CDC23: variants seen among roughly 807,000 people sequenced by gnomAD.
CDC23 encodes cell division cycle 23, also known as cell division cycle protein 23 homolog.
A neutral mutation model predicts 81.7 loss-of-function variants in CDC23; 26 were observed. That is an observed-to-expected ratio of 0.32 (90% CI 0.23 to 0.44). The LOEUF (loss-of-function observed/expected upper bound fraction) is 0.44, where lower values mean the gene tolerates loss of function less well. Among genes scored for constraint, CDC23 ranks in the 20% least tolerant of loss-of-function variants. The probability of loss-of-function intolerance (pLI) is 1.00; values close to 1 mark genes in which losing one functional copy is unlikely to be tolerated. For synonymous variants in CDC23, 267 were observed against 270.8 expected, an observed-to-expected ratio of 0.99 and a Z score of 0.14; for missense variants, 519 against 728.0, an observed-to-expected ratio of 0.71 and a Z score of 3.30.
In CDC23 at chr5:138,189,824, A is replaced by G. The variant is rs762284617; in HGVS notation, c.1503+4T>C. 19 of 1,613,972 alleles carry G rather than the reference A, an allele frequency of 1.2e-5. No homozygotes were observed. The highest frequency in any genetic ancestry group is 4.0e-5 in the African/African-American group (3 of 74,944). On this transcript the variant is annotated splice_donor_region_variant and intron_variant, in intron 14 of 15. Coordinates refer to ENST00000394886, the MANE Select transcript of CDC23 (RefSeq NM_004661.4). Reference sequence around the variant, plus strand: ...CAGTACAATTCTCATGGTATGATACATACCCCACAGGAATAGATATCTTGG... The same window carrying G: ...CAGTACAATTCTCATGGTATGATACGTACCCCACAGGAATAGATATCTTGG...
At chr5:138,202,265 G>A (rs1170118575) in intron 3 of CDC23, 110 bp from the exon 4 acceptor site, 3 of 706,736 alleles carry the variant, frequency 4.2e-6, no homozygotes, top group Non-Finnish European at 4.8e-6. Context: ...AAATGGCATC[G>A]ACTTTTGGTC....
rs371029652 is a variant in CDC23, at chr5:138,206,676, G to A, written c.243C>T (p.Ala81=). 1.4e-5 allele frequency: 22 copies of A among 1,607,096 alleles called. No individual in the cohort carries two copies. Among genetic ancestry groups the A allele is most frequent in the East Asian group, 4.5e-5 (2 of 44,694 alleles). The part of the protein sequence containing the change: ...QPPPPITEED[A]QDMDAYTLAK... ...CCAGGGTATAGGCATCCATATCCTG[G>A]GCATCTTCCTAAAAAAGAAACAAGC... Residue 81 remains alanine, a synonymous_variant, in exon 3 of 16, where the codon GCC becomes GCT. Coordinates refer to ENST00000394886, the MANE Select transcript of CDC23 (RefSeq NM_004661.4).
chr5:138,197,450 G>A lies in CDC23; in HGVS notation c.1012+749C>T, dbSNP rs144400011. ...AGATAGCACTATGTATAATGATACA[G>A]TTTTGGCAAGCAAACAATATAGACG... On this transcript the variant is annotated intron_variant, in intron 9 of 15. Transcript: ENST00000394886. Among the ~76,000 whole-genome samples the A allele has an allele frequency of 6.9e-4, 104 of 150,802 alleles. No individual in the cohort carries two copies. In the East Asian group the frequency reaches 0.018, roughly 26 times the overall value.
chr5:138,196,666 C>T (rs1357087758), intron 9 of CDC23, among the ~76,000 whole-genome samples: 5 of 149,274 alleles, frequency 3.3e-5, no homozygotes, highest in Admixed American at 6.7e-5. Context: ...CTGCAACCTC[C>T]GCCTCCAGGG....
chr5:138,193,631 CAA>C (rs532362948), intron 9 of CDC23, among the ~76,000 whole-genome samples: 1 of 132,818 alleles, frequency 7.5e-6, no homozygotes. Flanking sequence ...GATTCTGTCT[CAA>C]AAAAAAAAAA....
At chr5:138,191,733 T>C in intron 12 of CDC23, 129 bp downstream of exon 12, 1 of 940,150 alleles carries the variant, frequency 1.1e-6, no homozygotes, top group Admixed American at 1.9e-5. Context: ...TCAGACTATG[T>C]ATCTATAAAT....
chr5:138,200,356 T>C (rs1754972384), intron 6 of CDC23, among the ~76,000 whole-genome samples: 2 of 151,956 alleles, frequency 1.3e-5, no homozygotes, highest in Non-Finnish European at 2.9e-5. Context: ...GGTCTTGAAC[T>C]CCTGACCTCA....
intron 15 of CDC23, 149 bp downstream of exon 15, chr5:138,189,484 C>T: frequency 2.6e-6 from 2 of 766,164 alleles, no homozygotes; most frequent in Non-Finnish European, 4.2e-6. Context: ...GTCTTGAACT[C>T]CTGGACACAA....
chr5:138,202,227 A>T lies in CDC23; in HGVS notation c.373-72T>A, dbSNP rs1382625455. The T allele has an allele frequency of 5.0e-6, 6 of 1,191,340 alleles. No individual in the cohort carries two copies. In the African/African-American group the frequency reaches 9.2e-5, roughly 18 times the overall value. 73.8% of individuals were successfully genotyped at this position (1,191,340 alleles called of 1,614,324 possible). Reference sequence around the variant, plus strand: ...AACATACTTTAAAACTAGCATCCTGATCCTACCTAAAGGGCCAAGTTCAAC... The same window carrying T: ...AACATACTTTAAAACTAGCATCCTGTTCCTACCTAAAGGGCCAAGTTCAAC... On this transcript the variant is annotated intron_variant, in intron 3 of 15. Transcript: ENST00000394886.
intron 13 of CDC23, 73 bp from the exon 14 acceptor site, chr5:138,189,979 A>C: frequency 7.7e-7 from 1 of 1,300,834 alleles, no homozygotes; most frequent in Non-Finnish European, 1.1e-6. Flanking sequence ...GTAAAAGTAC[A>C]TAAGACCAAA....
Position 138,195,575 on chromosome 5 carries a change from TA to T in CDC23, c.1012+2623del, listed in dbSNP as rs1253297915. On this transcript the variant is annotated intron_variant, in intron 9 of 15. Transcript: ENST00000394886. ...TAATTATATATAATATATTTATATA[TA>T]ATATATTATATATAATATATATTAT... 7.2e-3 allele frequency among the ~76,000 whole-genome samples: 430 copies of T among 59,668 alleles called. 2 individuals are homozygous for T. Among genetic ancestry groups the T allele is most frequent in the Middle Eastern group, 0.036 (5 of 138 alleles). 39.1% of individuals were successfully genotyped at this position (59,668 alleles called of 152,430 possible).
At chr5:138,210,818 G>T (rs949389562) in intron 2 of CDC23, among the ~76,000 whole-genome samples, 1 of 151,996 alleles carries the variant, frequency 6.6e-6, no homozygotes, top group Non-Finnish European at 1.5e-5. Flanking sequence ...CTCAGGAGAG[G>T]GTGATATTTA....
At chr5:138,206,733 A>C (rs1310137005) in intron 2 of CDC23, 49 bp from the exon 3 acceptor site, 2 of 1,533,798 alleles carry the variant, frequency 1.3e-6, no homozygotes, top group Non-Finnish European at 1.8e-6. Context: ...GGACAACAAA[A>C]CTTCAAATCT....
intron 2 of CDC23, among the ~76,000 whole-genome samples, chr5:138,206,905 A>C (rs1298240241): frequency 1.4e-5 from 2 of 140,880 alleles, no homozygotes; most frequent in Non-Finnish European, 3.0e-5. Flanking sequence ...TTTGAGACAG[A>C]GCCTCACTCT....
At position 138,198,319 on chromosome 5, in the gene CDC23, G is replaced by T. The variant is rs186304061; in HGVS notation, c.931-39C>A. The T allele has an allele frequency of 5.3e-5, 85 of 1,590,444 alleles. No individual in the cohort carries two copies. The African/African-American group carries it at 1.1e-3, about 21-fold the overall frequency. On this transcript the variant is annotated intron_variant, in intron 8 of 15. Transcript: ENST00000394886. The stretch of plus-strand genomic sequence containing the variant: ...AAAAGACAATATAAGCATGAAAAAA[G>T]AACTCCCTAAATTATTTTTCCTGTA...
At chr5:138,198,576 A>ATAG in intron 7 of CDC23, 29 bp downstream of exon 7, 2 of 1,613,044 alleles carry the variant, frequency 1.2e-6, no homozygotes, top group Non-Finnish European at 1.7e-6. Flanking sequence ...TCAGGGTCTG[A>ATAG]TAGTATTTCA....
rs1300988617 is a variant in CDC23, at chr5:138,188,935, A to C, written c.*43T>G. Reference sequence around the variant, plus strand: ...TGTTCTTTACATGGAGGTAAGGCTTAATTAAGATGGGTCTAACAATGTGCT... The same window carrying C: ...TGTTCTTTACATGGAGGTAAGGCTTCATTAAGATGGGTCTAACAATGTGCT... On this transcript the variant is annotated 3_prime_UTR_variant, in exon 16 of 16. Coordinates refer to ENST00000394886, the MANE Select transcript of CDC23 (RefSeq NM_004661.4). 3 of 1,589,132 alleles carry C rather than the reference A, an allele frequency of 1.9e-6. No homozygotes were observed. In the African/African-American group the frequency reaches 4.0e-5, roughly 21 times the overall value.
Position 138,188,962 on chromosome 5 carries a change from GC to G in CDC23, c.*15del, listed in dbSNP as rs1426837958. On this transcript the variant is annotated 3_prime_UTR_variant, in exon 16 of 16. Coordinates refer to ENST00000394886, the MANE Select transcript of CDC23 (RefSeq NM_004661.4). ...TTAAGATGGGTCTAACAATGTGCTG[GC>G]TTGAGAGTAGCCAACTATGGCGTGA... is the stretch of plus-strand genomic sequence containing the variant. 1 of 1,612,330 alleles carries G rather than the reference GC, an allele frequency of 6.2e-7. No homozygotes were observed. The highest frequency in any genetic ancestry group is 1.7e-4 in the Middle Eastern group (1 of 6,036).
At chr5:138,194,500 G>A (rs1307364337) in intron 9 of CDC23, among the ~76,000 whole-genome samples, 1 of 152,114 alleles carries the variant, frequency 6.6e-6, no homozygotes, top group Non-Finnish European at 1.5e-5. Flanking sequence ...CCTGGAACAG[G>A]CAAAACTATA....
Sources: gnomAD v4.1 joint callset for allele counts (sites outside exome capture counted in the v4.1 genomes callset) on GRCh38, gnomAD v4.1.1 for gene constraint, MANE v1.5 for transcripts, NCBI Gene and HGNC (gene_info 2026-07-23, HGNC 2026-07-21) for gene names.